Variants in WDR7 observed in about 807,000 individuals in gnomAD.
The protein encoded by WDR7 is WD repeat domain 7.
In WDR7, 46 loss-of-function variants were observed where a neutral mutation model predicts 169.4. The observed-to-expected ratio is 0.27, with a 90% CI of 0.21 to 0.35. The LOEUF is 0.35. Among genes scored for constraint, WDR7 ranks in the 10% least tolerant of loss-of-function variants. WDR7 has a pLI of 1.00. For synonymous variants in WDR7, 612 were observed against 666.8 expected (o/e 0.92, Z 1.27); for missense variants, 1,534 against 1,859.3 (o/e 0.83, Z 3.22).
In WDR7 at chr18:56,828,673, A is replaced by G. The variant is rs376812844; in HGVS notation, c.3304+12529A>G. Among the ~76,000 whole-genome samples the G allele has an allele frequency of 1.1e-4, 16 of 152,352 alleles. No individual in the cohort carries two copies. In the East Asian group the frequency reaches 3.1e-3, roughly 29 times the overall value. On this transcript the variant is annotated intron_variant, in intron 20 of 27. Transcript: ENST00000254442. ...AAAGATAAAAGGGGGAATGTTTAAT[A>G]TAACTCTCATACTTGCAAAGGATGG...
At chr18:56,676,697 C>CT (rs376550423) in intron 2 of WDR7, among the ~76,000 whole-genome samples, 527 of 148,022 alleles carry the variant, frequency 3.6e-3, no homozygotes, top group African/African-American at 6.2e-3. Context: ...TGCTTTTTAA[C>CT]TTTTTTTTTT....
rs2025706987 is a variant in WDR7, at chr18:56,696,482, A to C, written c.1578+20A>C. ...TGTAGTGTAAGTTGATTTATATAAA[A>C]GATTATTTCACTATGGTAGAGCCAA... On this transcript the variant is annotated intron_variant, in intron 12 of 27. Transcript: ENST00000254442. 1 of 1,584,382 alleles carries C rather than the reference A, an allele frequency of 6.3e-7. No homozygotes were observed. The highest frequency in any genetic ancestry group is 2.2e-5 in the East Asian group (1 of 44,762).
At chr18:56,738,680 C>G (rs753172153) in intron 14 of WDR7, among the ~76,000 whole-genome samples, 3 of 152,144 alleles carry the variant, frequency 2.0e-5, no homozygotes, top group Non-Finnish European at 4.4e-5. Flanking sequence ...TTTCTGAATC[C>G]TGGCACTTAT....
rs2046766635 is a variant in WDR7 at position 56,924,038 on chromosome 18, T to C, written c.3643T>C (p.Tyr1215His). The C allele has an allele frequency of 1.9e-6, 3 of 1,613,126 alleles. No homozygotes were observed. The highest frequency in any genetic ancestry group is 1.3e-5 in the African/African-American group (1 of 74,978). The change falls in exon 22 of 28, where the codon TAC becomes CAC. Residue 1215 changes from tyrosine to histidine, a missense_variant. By Grantham distance (83) the Tyr-to-His change is moderately conservative. Coordinates refer to ENST00000254442, the MANE Select transcript of WDR7 (RefSeq NM_015285.3). ...ACGTGGGTTCACTGTTTGGGAGCCT[T>C]ACATGGATGTGTCCGCTGTTCTGAT... is the stretch of plus-strand genomic sequence containing the variant. ...IGRGFTVWEPYMDVSAVLMGL... is the reference protein window; with the variant it reads ...IGRGFTVWEPHMDVSAVLMGL...
chr18:56,851,203 G>C (rs1194728351), intron 20 of WDR7, among the ~76,000 whole-genome samples: 3 of 152,126 alleles, frequency 2.0e-5, no homozygotes, highest in Admixed American at 2.0e-4. Context: ...GGACCTTCAT[G>C]ATATGACCCT....
intron 12 of WDR7, among the ~76,000 whole-genome samples, chr18:56,699,303 T>C (rs2025773639): frequency 6.6e-6 from 1 of 152,206 alleles, no homozygotes; most frequent in East Asian, 1.9e-4. Flanking sequence ...GTGGCTGAGA[T>C]TAGAGTTTGC....
intron 19 of WDR7, among the ~76,000 whole-genome samples, chr18:56,796,069 A>C (rs1232337222): frequency 6.6e-6 from 1 of 152,242 alleles, no homozygotes; most frequent in Non-Finnish European, 1.5e-5. Flanking sequence ...AGTACCATTT[A>C]GCTAATGCAC....
chr18:56,792,740 C>T (rs1431485586), intron 19 of WDR7, among the ~76,000 whole-genome samples: 1 of 149,966 alleles, frequency 6.7e-6, no homozygotes, highest in African/African-American at 2.5e-5. Context: ...TAAAAACCTT[C>T]TTGCTTTAAC....
chr18:56,867,256 C>T (rs1038666340), intron 20 of WDR7, among the ~76,000 whole-genome samples: 11 of 151,986 alleles, frequency 7.2e-5, no homozygotes, highest in East Asian at 1.9e-4. Context: ...AGGCTGGTCT[C>T]GAACTCCTGA....
chr18:56,782,743 G>A (rs1052028481), intron 19 of WDR7, among the ~76,000 whole-genome samples: 4 of 152,046 alleles, frequency 2.6e-5, no homozygotes, highest in Non-Finnish European at 4.4e-5. Context: ...AATTCAGAAA[G>A]GTTTATAACT....
chr18:56,712,469 A>C (rs906890124), intron 12 of WDR7, among the ~76,000 whole-genome samples: 8 of 152,342 alleles, frequency 5.3e-5, no homozygotes, highest in African/African-American at 7.2e-5. Flanking sequence ...TTGACCTAAG[A>C]ATATACTTGT....
chr18:56,948,249 G>A (rs2047133769), intron 25 of WDR7, among the ~76,000 whole-genome samples: 1 of 152,104 alleles, frequency 6.6e-6, no homozygotes, highest in Non-Finnish European at 1.5e-5. Flanking sequence ...ATAGCAACTA[G>A]TAGAGGACTC....
chr18:56,840,093 C>CA (rs546099441), intron 20 of WDR7, among the ~76,000 whole-genome samples: 2 of 151,690 alleles, frequency 1.3e-5, no homozygotes, highest in South Asian at 2.1e-4. Flanking sequence ...CAAAAACAAA[C>CA]AAAAAAATAA....
At chr18:56,848,682 G>A (rs2045600132) in intron 20 of WDR7, among the ~76,000 whole-genome samples, 1 of 152,004 alleles carries the variant, frequency 6.6e-6, no homozygotes, top group Non-Finnish European at 1.5e-5. Context: ...AGTGAATTCT[G>A]GCTCTGAGTT....
At chr18:56,734,513 C>T (rs1212657661) in intron 14 of WDR7, among the ~76,000 whole-genome samples, 1 of 149,822 alleles carries the variant, frequency 6.7e-6, no homozygotes, top group Non-Finnish European at 1.5e-5. Flanking sequence ...CGGTTTAAAA[C>T]CACTGCTTTT....
At chr18:56,768,540 A>G (rs1424265650) in intron 16 of WDR7, among the ~76,000 whole-genome samples, 1 of 152,184 alleles carries the variant, frequency 6.6e-6, no homozygotes, top group Admixed American at 6.5e-5. Context: ...CTTGAGTAGT[A>G]TGTGTCTAGT....
At chr18:56,994,773 A>G (rs1438897376) in intron 26 of WDR7, among the ~76,000 whole-genome samples, 4 of 152,214 alleles carry the variant, frequency 2.6e-5, no homozygotes, top group East Asian at 3.8e-4. Flanking sequence ...ACTCTAGCAC[A>G]CATTCAGTCT....
At chr18:56,952,429 C>T (rs1370858629) in intron 25 of WDR7, among the ~76,000 whole-genome samples, 1 of 152,202 alleles carries the variant, frequency 6.6e-6, no homozygotes, top group African/African-American at 2.4e-5. Flanking sequence ...CATTGTCTTA[C>T]AATACTGAAA....
chr18:56,762,073 C>G (rs2144971121), intron 16 of WDR7, among the ~76,000 whole-genome samples: 1 of 151,962 alleles, frequency 6.6e-6, no homozygotes, highest in South Asian at 2.1e-4. Context: ...TTTATCATAC[C>G]TTTTCTGTAT....
Sources: gnomAD v4.1 joint callset for allele counts (sites outside exome capture counted in the v4.1 genomes callset) on GRCh38, gnomAD v4.1.1 for gene constraint, MANE v1.5 for transcripts, NCBI Gene and HGNC (gene_info 2026-07-23, HGNC 2026-07-21) for gene names.